CPZ: variants seen among roughly 807,000 people sequenced by gnomAD.
CPZ encodes carboxypeptidase Z.
CPZ carries 103 observed loss-of-function variants against 61.8 expected under a neutral mutation model. The ratio of observed to expected loss-of-function variants is 1.67; its 90% CI spans 1.42 to 1.96. The LOEUF is 1.96. Among genes scored for constraint, CPZ ranks in the 30% most tolerant of loss-of-function variants. CPZ has a pLI of 0.00. For synonymous variants in CPZ, 551 were observed against 373.7 expected (o/e 1.47, Z -5.47); for missense variants, 1,461 against 914.9 (o/e 1.60, Z -7.70).
intron 7 of CPZ, chr4:8,611,069 CACTCATTCATTCGCTCAT>C: frequency 2.8e-6 from 1 of 361,922 alleles, no homozygotes; most frequent in Non-Finnish European, 5.9e-6. Flanking sequence ...CTCACTCATT[CACTCATTCATTCGCTCAT>C]TCACTCACTC....
At position 8,612,640 on chromosome 4, in the gene CPZ, G is replaced by A. The variant is rs749542283; in HGVS notation, c.1363+478G>A. ...GTTTCTCTGGAGCCCGACTTGAAGC[G>A]TGTACATCTTTATCTGCTAAATTTG... On this transcript the variant is annotated intron_variant, in intron 8 of 10. Transcript: ENST00000360986. Among the ~76,000 whole-genome samples, 4 of 152,224 alleles carry A rather than the reference G, an allele frequency of 2.6e-5. No homozygotes were observed. The East Asian group carries it at 5.8e-4, about 22-fold the overall frequency.
intron 9 of CPZ, among the ~76,000 whole-genome samples, chr4:8,616,292 C>A (rs1002209991): frequency 6.6e-6 from 1 of 152,184 alleles, no homozygotes; most frequent in African/African-American, 2.4e-5. Flanking sequence ...AGGGGAGGGG[C>A]GGCGTGGCAG....
chr4:8,609,068 CTCACCACTCATACAT>C (rs1203246239), intron 7 of CPZ, among the ~76,000 whole-genome samples: 14 of 109,684 alleles, frequency 1.3e-4, no homozygotes, highest in Admixed American at 1.7e-4. Flanking sequence ...CACTCCCTCA[CTCACCACTCATACAT>C]TCACCCATTC....
At chr4:8,613,505 G>A (rs1327382531) in intron 8 of CPZ, among the ~76,000 whole-genome samples, 5 of 152,198 alleles carry the variant, frequency 3.3e-5, no homozygotes, top group South Asian at 2.1e-4. Flanking sequence ...CCAGAGAGAC[G>A]GTGACTGTGG....
At chr4:8,599,321 C>G (rs535367222) in intron 1 of CPZ, 132 bp from the exon 2 acceptor site, 4 of 1,053,356 alleles carry the variant, frequency 3.8e-6, no homozygotes, top group Non-Finnish European at 5.3e-6. Context: ...GCTGTGAAGA[C>G]TCCATGAGAT....
rs756651495 is a variant in CPZ at position 8,601,400 on chromosome 4, C to T, written c.399C>T (p.Phe133=). Residue 133 remains phenylalanine, a synonymous_variant, in exon 3 of 11, where the codon TTC becomes TTT. Coordinates refer to ENST00000360986, the MANE Select transcript of CPZ (RefSeq NM_001014447.3). The part of the protein sequence containing the change: ...EGLREVCQPA[F]DAIDMAWPYF... The stretch of plus-strand genomic sequence containing the variant: ...TGCGGGAGGTCTGCCAGCCCGCCTT[C>T]GACGCCATTGACATGGCCTGGCCCT... 59 of 1,591,256 alleles carry T rather than the reference C, an allele frequency of 3.7e-5. No homozygotes were observed. The highest frequency in any genetic ancestry group is 6.7e-5 in the African/African-American group (5 of 74,542).
intron 1 of CPZ, among the ~76,000 whole-genome samples, chr4:8,593,372 C>T (rs1237032898): frequency 6.6e-6 from 1 of 152,186 alleles, no homozygotes; most frequent in Non-Finnish European, 1.5e-5. Context: ...GTGATGTGGA[C>T]AGCAAGTCTC....
intron 1 of CPZ, among the ~76,000 whole-genome samples, chr4:8,599,022 C>T (rs919438585): frequency 2.6e-5 from 4 of 152,196 alleles, no homozygotes; most frequent in African/African-American, 7.2e-5. Flanking sequence ...CGGGGGCTGA[C>T]AGTTAAAACT....
intron 7 of CPZ, among the ~76,000 whole-genome samples, chr4:8,608,372 C>G (rs1157061919): frequency 1.3e-5 from 2 of 152,166 alleles, no homozygotes; most frequent in African/African-American, 4.8e-5. Context: ...CCTGGGTGGG[C>G]AAGTGCCAGG....
intron 8 of CPZ, among the ~76,000 whole-genome samples, chr4:8,613,007 T>G (rs1214504669): frequency 6.6e-6 from 1 of 152,226 alleles, no homozygotes; most frequent in Non-Finnish European, 1.5e-5. Flanking sequence ...GATCTTTCCC[T>G]GGTGCGGCGC....
chr4:8,610,222 A>G (rs1318780876), intron 7 of CPZ, among the ~76,000 whole-genome samples: 1 of 152,108 alleles, frequency 6.6e-6, no homozygotes, highest in Admixed American at 6.5e-5. Flanking sequence ...GGTTTCATTT[A>G]TCTGTGTCTC....
intron 9 of CPZ, among the ~76,000 whole-genome samples, chr4:8,616,758 A>AT (rs1227622452): frequency 6.6e-6 from 1 of 152,194 alleles, no homozygotes; most frequent in Non-Finnish European, 1.5e-5. Context: ...CTCATGCAGG[A>AT]AAACCTTACT....
chr4:8,617,142 C>T (rs951660559), intron 9 of CPZ, among the ~76,000 whole-genome samples: 10 of 152,244 alleles, frequency 6.6e-5, no homozygotes, highest in Non-Finnish European at 1.3e-4. Flanking sequence ...CCGCGTGTGT[C>T]AGGCCAGTCG....
intron 10 of CPZ, 31 bp from the exon 11 acceptor site, chr4:8,619,229 CGT>C: frequency 6.4e-7 from 1 of 1,557,710 alleles, no homozygotes; most frequent in East Asian, 2.4e-5. Context: ...CTGCAGTCCT[CGT>C]GAGAATCATT....
chr4:8,618,688 A>G (rs1716420937), intron 10 of CPZ, among the ~76,000 whole-genome samples, 160 bp downstream of exon 10: 1 of 152,272 alleles, frequency 6.6e-6, no homozygotes, highest in South Asian at 2.1e-4. Context: ...GGCAGGAACC[A>G]GGGTCTGCGT....
intron 7 of CPZ, among the ~76,000 whole-genome samples, chr4:8,609,153 C>CACTCACTTCTCATTAACTCAG (rs1252436296): frequency 6.7e-6 from 1 of 150,072 alleles, no homozygotes. Context: ...TTCACCCACT[C>CACTCACTTCTCATTAACTCAG]CCTCACTCAT....
At chr4:8,619,188 A>G (rs1716467718) in intron 10 of CPZ, 74 bp from the exon 11 acceptor site, 1 of 1,332,304 alleles carries the variant, frequency 7.5e-7, no homozygotes. Context: ...CTCCCCACTC[A>G]TATCCATCAC....
chr4:8,611,761 G>A (rs1455639287), intron 7 of CPZ, among the ~76,000 whole-genome samples: 2 of 152,050 alleles, frequency 1.3e-5, no homozygotes, highest in African/African-American at 4.8e-5. Flanking sequence ...GGCCAGGTGT[G>A]CAGAGTCTCG....
At chr4:8,617,887 G>C (rs192099875) in intron 9 of CPZ, among the ~76,000 whole-genome samples, 19 of 152,266 alleles carry the variant, frequency 1.2e-4, no homozygotes, top group African/African-American at 4.1e-4. Context: ...AGCTGTGGGC[G>C]TGCAGGGAGC....
Sources: allele counts gnomAD v4.1 joint callset (sites outside exome capture counted in the v4.1 genomes callset), GRCh38; gene constraint gnomAD v4.1.1; transcripts MANE v1.5; gene names NCBI Gene and HGNC (gene_info 2026-07-23, HGNC 2026-07-21).